The following PRKN variants were observed in gnomAD, a reference collection of about 807,000 sequenced individuals.
PRKN encodes E3 ubiquitin-protein ligase parkin.
A neutral mutation model predicts 59.5 loss-of-function variants in PRKN; 56 were observed. The ratio of observed to expected loss-of-function variants is 0.94; its 90% confidence interval spans 0.76 to 1.18. PRKN has a LOEUF of 1.18. Ranked by LOEUF, PRKN falls within the 50% of genes most tolerant of loss-of-function variation. The pLI is 0.00. For synonymous variants in PRKN, 250 were observed against 222.1 expected (o/e 1.13, Z -1.12); for missense variants, 657 against 596.4 (o/e 1.10, Z -1.06).
intron 6 of PRKN, among the ~76,000 whole-genome samples, chr6:161,941,262 G>A (rs563410797): frequency 2.6e-5 from 4 of 152,278 alleles, no homozygotes; most frequent in Admixed American, 2.0e-4. Context: ...AGACACAGGC[G>A]GCTGGACGTT....
rs71544920 is a variant in PRKN at position 161,858,858 on chromosome 6, C to CTTTTTTTT, written c.735-72958_735-72951dup. Among the ~76,000 whole-genome samples, 32 of 71,934 alleles carry CTTTTTTTT rather than the reference C, an allele frequency of 4.4e-4. 7 individuals carry two copies. Among genetic ancestry groups the CTTTTTTTT allele is most frequent in the Non-Finnish European group, 6.5e-4 (24 of 37,048 alleles). 47.2% of individuals were successfully genotyped at this position (71,934 alleles called of 152,430 possible). On this transcript the variant is annotated intron_variant, in intron 6 of 11. Transcript: ENST00000366898. ...CTTTCAATTAACTAGCACAGCTGTA[C>CTTTTTTTT]TTTTTTTTTTTTTTTTTTTTGAGAC...
chr6:161,878,235 TA>T (rs1422152572), intron 6 of PRKN, among the ~76,000 whole-genome samples: 2 of 152,194 alleles, frequency 1.3e-5, no homozygotes, highest in Non-Finnish European at 2.9e-5. Flanking sequence ...AATAAATTTT[TA>T]AAATGTAATC....
chr6:162,006,207 G>C (rs1039302017), intron 5 of PRKN, among the ~76,000 whole-genome samples: 3 of 152,074 alleles, frequency 2.0e-5, no homozygotes, highest in African/African-American at 7.2e-5. Flanking sequence ...CAGTTGCTTG[G>C]CGTTTGTTGA....
In PRKN at chr6:162,438,987, C is replaced by A. The variant is rs1789917195; in HGVS notation, c.171+4323G>T. Among the ~76,000 whole-genome samples the A allele has an allele frequency of 2.6e-5, 4 of 152,092 alleles. No homozygotes were observed. In the South Asian group the frequency reaches 8.3e-4, roughly 31 times the overall value. On this transcript the variant is annotated intron_variant, in intron 2 of 11. Transcript: ENST00000366898. ...TTCCTTTTTTCTTTTTCCAGCCTAC[C>A]TTTTCTTTGCCATTTGGACCGTGTC...
rs150955725 is a variant in PRKN, at chr6:161,779,121, C to T, written c.871+6651G>A. On this transcript the variant is annotated intron_variant, in intron 7 of 11. Transcript: ENST00000366898. Reference sequence around the variant, plus strand: ...CGCCTGGCTAATTTTTGTATTTTCACTGGACACGGGGTTTCACCACGTTGG... The same window carrying T: ...CGCCTGGCTAATTTTTGTATTTTCATTGGACACGGGGTTTCACCACGTTGG... 4.6e-3 allele frequency among the ~76,000 whole-genome samples: 698 copies of T among 151,774 alleles called. 6 individuals are homozygous for T. The highest frequency in any genetic ancestry group is 0.016 in the African/African-American group (665 of 41,404).
chr6:162,193,684 C>A (rs1784382842), intron 4 of PRKN, among the ~76,000 whole-genome samples: 1 of 152,180 alleles, frequency 6.6e-6, no homozygotes, highest in Non-Finnish European at 1.5e-5. Flanking sequence ...AGGAAGGCTG[C>A]TGAAAATCCA....
intron 7 of PRKN, among the ~76,000 whole-genome samples, chr6:161,717,561 C>T (rs530926553): frequency 1.6e-4 from 25 of 152,236 alleles, no homozygotes; most frequent in African/African-American, 4.6e-4. Flanking sequence ...AAGCAGATTG[C>T]GGAGATGGTG....
At chr6:162,520,637 G>A (rs1157558005) in intron 1 of PRKN, among the ~76,000 whole-genome samples, 1 of 152,148 alleles carries the variant, frequency 6.6e-6, no homozygotes, top group Non-Finnish European at 1.5e-5. Flanking sequence ...ATGGGCAAGA[G>A]AGACTGTATT....
chr6:162,413,540 A>G (rs918869712), intron 2 of PRKN, among the ~76,000 whole-genome samples: 4 of 152,232 alleles, frequency 2.6e-5, no homozygotes, highest in Non-Finnish European at 4.4e-5. Context: ...AAGTTGGTTT[A>G]GGGCCAAACA....
At chr6:162,636,327 G>T (rs1777710515) in intron 1 of PRKN, among the ~76,000 whole-genome samples, 1 of 152,014 alleles carries the variant, frequency 6.6e-6, no homozygotes. Context: ...CAAATGTTTG[G>T]CTAAAAATAG....
intron 3 of PRKN, among the ~76,000 whole-genome samples, chr6:162,216,031 C>T (rs1178969173): frequency 6.6e-6 from 1 of 152,020 alleles, no homozygotes; most frequent in Non-Finnish European, 1.5e-5. Context: ...CTGCGCTACA[C>T]AGTGAGACTC....
intron 4 of PRKN, among the ~76,000 whole-genome samples, chr6:162,096,269 T>C (rs571520914): frequency 5.0e-4 from 76 of 152,314 alleles, no homozygotes; most frequent in African/African-American, 1.6e-3. Context: ...CCCTAAACTC[T>C]AAGAATTAGC....
At chr6:162,220,880 C>A (rs995062166) in intron 3 of PRKN, among the ~76,000 whole-genome samples, 3 of 152,198 alleles carry the variant, frequency 2.0e-5, no homozygotes, top group African/African-American at 7.2e-5. Flanking sequence ...TCCCAATAAA[C>A]GTTACAATTC....
chr6:161,659,354 A>G (rs552810761), intron 7 of PRKN, among the ~76,000 whole-genome samples: 2 of 152,366 alleles, frequency 1.3e-5, no homozygotes, highest in African/African-American at 4.8e-5. Flanking sequence ...AGCCTTGCAC[A>G]GTGTAGATGA....
rs1303247510 is a variant in PRKN, at chr6:161,353,515, C to A, written c.1286-3304G>T. Among the ~76,000 whole-genome samples the A allele has an allele frequency of 6.6e-6, 1 of 152,188 alleles. No individual in the cohort carries two copies. The highest frequency in any genetic ancestry group is 1.5e-5 in the Non-Finnish European group (1 of 68,034). ...CCAGAGGACAGGGTTTGGGGAGCTT[C>A]CAGGTTGCTGAACACATGGAGGTTT... On this transcript the variant is annotated intron_variant, in intron 11 of 11. Coordinates refer to ENST00000366898, the MANE Select transcript of PRKN (RefSeq NM_004562.3). This position sits in a 1 kb window ranked among gnomAD's most constrained non-coding sequence, Gnocchi z 4.8.
chr6:162,300,236 T>C (rs1341050841), intron 2 of PRKN, among the ~76,000 whole-genome samples: 1 of 151,088 alleles, frequency 6.6e-6, no homozygotes, highest in African/African-American at 2.5e-5. Flanking sequence ...AAAAACTTAT[T>C]TCTGAACACA....
intron 8 of PRKN, among the ~76,000 whole-genome samples, chr6:161,557,155 T>C (rs1053382447): frequency 2.0e-5 from 3 of 152,352 alleles, no homozygotes; most frequent in African/African-American, 7.2e-5. Context: ...TTCATTAGTA[T>C]GCGTTATGCA....
rs528436493 is a variant in PRKN, at chr6:161,447,634, C to T, written c.1084-60757G>A. 2.4e-4 allele frequency among the ~76,000 whole-genome samples: 37 copies of T among 152,222 alleles called. No homozygotes were observed. In the South Asian group the frequency reaches 7.5e-3, roughly 31 times the overall value. On this transcript the variant is annotated intron_variant, in intron 9 of 11. Coordinates refer to ENST00000366898, the MANE Select transcript of PRKN (RefSeq NM_004562.3). This position sits in a 1 kb window ranked among gnomAD's most constrained non-coding sequence, Gnocchi z 4.1. ...TCAGCCTCCCGAGTAGCTGGGACTA[C>T]AGGCATGCACCACCATGCCTGGCTA...
At chr6:162,130,944 G>A (rs141581264) in intron 4 of PRKN, among the ~76,000 whole-genome samples, 6 of 152,274 alleles carry the variant, frequency 3.9e-5, no homozygotes, top group Middle Eastern at 3.4e-3. Flanking sequence ...ATGCTGAAAT[G>A]TTTATCATTT....
Sources: gnomAD v4.1 joint callset for allele counts (sites outside exome capture counted in the v4.1 genomes callset) on GRCh38, gnomAD v4.1.1 for gene constraint, Gnocchi (gnomAD v3.1) non-coding constraint, MANE v1.5 for transcripts, NCBI Gene and HGNC (gene_info 2026-07-23, HGNC 2026-07-21) for gene names.